Variants in GBF1 observed in about 807,000 individuals in gnomAD.
The protein encoded by GBF1 is golgi brefeldin A resistant guanine nucleotide exchange factor 1.
In GBF1, 114 loss-of-function variants were observed where a neutral mutation model predicts 210.5. The ratio of observed to expected loss-of-function variants is 0.54; its 90% CI spans 0.47 to 0.63. GBF1 has a LOEUF of 0.63. Ranked by LOEUF, GBF1 falls within the 30% of genes least tolerant of loss-of-function variation. GBF1 has a pLI of 0.00. For missense variants in GBF1, 1,851 were observed against 2,357.7 expected, an observed-to-expected ratio of 0.79 and a Z score of 4.45; for synonymous variants, 850 against 889.2, an observed-to-expected ratio of 0.96 and a Z score of 0.78.
At chr10:102,231,869 T>G in the GBF1 span, 1 of 1,566,928 alleles carries the variant, frequency 6.4e-7, no homozygotes. Context: ...CCTAAGCCAC[T>G]CGCTGGCTCC....
Position 102,260,090 on chromosome 10 carries a change from TA to T in GBF1, c.140del (p.Lys47ArgfsTer4). On this transcript the variant is annotated frameshift_variant, in exon 3 of 40. Coordinates refer to ENST00000369983, the MANE Select transcript of GBF1 (RefSeq NM_001377137.1). LOFTEE classifies it high-confidence loss of function. ...CCTCTGCTGCATAGTTTCGGTCATC[TA>T]AAGGAGGTTTTAAACAGTATAACAG... ...RDPLLHSFGH[L>X]KEVLNSITEL... 2 of 1,584,542 alleles carry T rather than the reference TA, an allele frequency of 1.3e-6. No individual in the cohort carries two copies. The highest frequency in any genetic ancestry group is 1.7e-6 in the Non-Finnish European group (2 of 1,153,422).
intron 3 of GBF1, among the ~76,000 whole-genome samples, chr10:102,328,142 C>T (rs1161037581): frequency 6.6e-6 from 1 of 152,106 alleles, no homozygotes; most frequent in Non-Finnish European, 1.5e-5. Flanking sequence ...TGGGAAATAT[C>T]CCTTATCATA....
chr10:102,332,849 A>G (rs1393318902), intron 3 of GBF1, among the ~76,000 whole-genome samples: 1 of 152,212 alleles, frequency 6.6e-6, no homozygotes, highest in African/African-American at 2.4e-5. Context: ...CCCTAAGTCT[A>G]GAAGCATCCT....
intron 3 of GBF1, among the ~76,000 whole-genome samples, chr10:102,343,799 CAAAAAAA>C (rs56360033): frequency 8.0e-6 from 1 of 124,312 alleles, no homozygotes; most frequent in African/African-American, 3.1e-5. Flanking sequence ...CTCTGTCTGA[CAAAAAAA>C]AAAAAAAAAA....
At chr10:102,247,241 T>A (rs1447780232) in intron 1 of GBF1, among the ~76,000 whole-genome samples, 2 of 152,218 alleles carry the variant, frequency 1.3e-5, no homozygotes, top group African/African-American at 4.8e-5. Flanking sequence ...TTTCATAATT[T>A]CCCTTTTCCC....
intron 3 of GBF1, among the ~76,000 whole-genome samples, chr10:102,318,009 C>T (rs906369232): frequency 2.0e-5 from 3 of 152,030 alleles, no homozygotes. Context: ...CCCGGGTTCA[C>T]GCCATTCTCC....
chr10:102,315,649 C>T (rs2078864869), intron 3 of GBF1, among the ~76,000 whole-genome samples: 1 of 152,128 alleles, frequency 6.6e-6, no homozygotes, highest in Non-Finnish European at 1.5e-5. Flanking sequence ...GGTTTGTGCT[C>T]CTATGAAAAT....
At chr10:102,368,564 C>A in intron 22 of GBF1, 110 bp downstream of exon 22, 1 of 853,730 alleles carries the variant, frequency 1.2e-6, no homozygotes, top group East Asian at 2.4e-5. Context: ...TGGGGTTCCC[C>A]CTGAGTTTTT....
At chr10:102,367,343 G>GA in intron 20 of GBF1, 133 bp downstream of exon 20, 1 of 1,177,444 alleles carries the variant, frequency 8.5e-7, no homozygotes, top group Non-Finnish European at 1.3e-6. Context: ...GGCCAACCTA[G>GA]AAAAGGGACT....
intron 17 of GBF1, among the ~76,000 whole-genome samples, chr10:102,364,531 TG>T (rs1429626731): frequency 1.3e-5 from 2 of 151,328 alleles, no homozygotes; most frequent in Non-Finnish European, 2.9e-5. Context: ...GCCTGTACTT[TG>T]GGTTTCTTAA....
intron 24 of GBF1, 115 bp downstream of exon 24, chr10:102,369,502 A>G (rs2060090493): frequency 2.2e-6 from 2 of 909,306 alleles, no homozygotes; most frequent in African/African-American, 3.3e-5. Flanking sequence ...TGCCTGCCAC[A>G]GCTCACCAGG....
the GBF1 span, among the ~76,000 whole-genome samples, chr10:102,233,389 C>T: frequency 2.7e-5 from 4 of 149,918 alleles, no homozygotes; most frequent in Admixed American, 6.7e-5. Flanking sequence ...CTGCAACCTC[C>T]ACCTCCAGGG....
rs747747808 is a variant in GBF1, at chr10:102,358,609, C to T, written c.891C>T (p.Ser297=). Residue 297 remains serine (S), a synonymous_variant, in exon 10 of 40, where the codon TCC becomes TCT. Transcript: ENST00000369983. ...SPSTDSGLEF[S]SQTTSKEDLT... is the part of the protein sequence containing the mutation. ...CTACAGACAGTGGCCTGGAATTCTCCTCCCAAACCACTTCCAAGGAAGACC... is the reference window on the plus strand; with the variant it reads ...CTACAGACAGTGGCCTGGAATTCTCTTCCCAAACCACTTCCAAGGAAGACC... 3.1e-6 allele frequency: 5 copies of T among 1,613,470 alleles called. No individual in the cohort carries two copies. In the Admixed American group the frequency reaches 8.3e-5, roughly 27 times the overall value.
At position 102,344,198 on chromosome 10, in the gene GBF1, T is replaced by C; in HGVS notation, c.295+16T>C. The C allele has an allele frequency of 6.2e-7, 1 of 1,613,332 alleles. No homozygotes were observed. The highest frequency in any genetic ancestry group is 8.5e-7 in the Non-Finnish European group (1 of 1,179,414). ...GCACTCATAGGTAAGAGCTCAGGCT[T>C]TGTTGCATGACCACAGCACTTCATT... On this transcript the variant is annotated intron_variant, in intron 4 of 39. Coordinates refer to ENST00000369983, the MANE Select transcript of GBF1 (RefSeq NM_001377137.1).
intron 3 of GBF1, among the ~76,000 whole-genome samples, chr10:102,284,050 C>G (rs1439953094): frequency 6.6e-6 from 1 of 151,794 alleles, no homozygotes; most frequent in Non-Finnish European, 1.5e-5. Context: ...GTAAGTTTCA[C>G]TTTTTGCAAG....
At chr10:102,279,315 A>G (rs1394624703) in intron 3 of GBF1, among the ~76,000 whole-genome samples, 2 of 152,234 alleles carry the variant, frequency 1.3e-5, no homozygotes, top group East Asian at 1.9e-4. Context: ...AACCAACAGC[A>G]TAAGTGCTTT....
chr10:102,250,518 C>T (rs997781007), intron 1 of GBF1, among the ~76,000 whole-genome samples: 1 of 132,620 alleles, frequency 7.5e-6, no homozygotes, highest in African/African-American at 3.0e-5. Flanking sequence ...TCACTATGTC[C>T]CACTAATTTT....
intron 17 of GBF1, 37 bp from the exon 18 acceptor site, chr10:102,365,360 C>G (rs957797916): frequency 1.6e-5 from 25 of 1,539,228 alleles, no homozygotes; most frequent in Non-Finnish European, 2.2e-5. Flanking sequence ...AATTTAGAGG[C>G]AAAGTAGCTT....
rs764018038 is a variant in GBF1 at position 102,366,617 on chromosome 10, C to T, written c.2433+111C>T. ...TTTTTTTTTTTTTGAGACAGAGTCT[C>T]GCTCTGTCACCCAGGCTGGAGTGCA... On this transcript the variant is annotated intron_variant, in intron 19 of 39. Transcript: ENST00000369983. This position sits in a 1 kb window ranked among gnomAD's most constrained non-coding sequence, Gnocchi z 4.0. 4.1e-5 allele frequency: 40 copies of T among 976,466 alleles called. No individual in the cohort carries two copies. The highest frequency in any genetic ancestry group is 1.7e-4 in the Admixed American group (6 of 35,870). 60.5% of individuals were successfully genotyped at this position (976,466 alleles called of 1,614,324 possible). A position where few individuals can be genotyped will look rare whatever the true frequency, so the allele number is the denominator to read the frequency against.
Sources: gnomAD v4.1 joint callset for allele counts (sites outside exome capture counted in the v4.1 genomes callset) on GRCh38, gnomAD v4.1.1 for gene constraint, Gnocchi (gnomAD v3.1) non-coding constraint, MANE v1.5 for transcripts, NCBI Gene and HGNC (gene_info 2026-07-23, HGNC 2026-07-21) for gene names.